The following C7 variants were observed in gnomAD, a reference collection of about 807,000 sequenced individuals.
C7 encodes complement component C7.
C7 carries 83 observed loss-of-function variants against 104.8 expected under a neutral mutation model. That is an observed-to-expected ratio of 0.79 (90% CI 0.66 to 0.95). The LOEUF is 0.95. Among genes scored for constraint, C7 ranks in the 40% least tolerant of loss-of-function variants. The probability of loss-of-function intolerance (pLI) is 0.00; values close to 1 mark genes in which losing one functional copy is unlikely to be tolerated. For synonymous variants in C7, 415 were observed against 360.6 expected, an observed-to-expected ratio of 1.15 and a Z score of -1.71; for missense variants, 1,070 against 1,011.2, an observed-to-expected ratio of 1.06 and a Z score of -0.79.
chr5:40,976,633 G>A, intron 15 of C7, 117 bp from the exon 16 acceptor site: 1 of 605,698 alleles, frequency 1.7e-6, no homozygotes, highest in Non-Finnish European at 2.9e-6. Context: ...TTGTTACTGT[G>A]CAAATGCATT....
At chr5:40,934,237 C>T in intron 3 of C7, 88 bp from the exon 4 acceptor site, 3 of 1,275,788 alleles carry the variant, frequency 2.4e-6, no homozygotes, top group Non-Finnish European at 3.1e-6. Flanking sequence ...TACTTTTTCT[C>T]AGATTTTATT....
Position 40,934,401 on chromosome 5 carries a change from C to G in C7, c.215C>G (p.Ser72Cys). 1 of 1,613,674 alleles carries G rather than the reference C, an allele frequency of 6.2e-7. No individual in the cohort carries two copies. Among genetic ancestry groups the G allele is most frequent in the African/African-American group, 1.3e-5 (1 of 75,014 alleles). Residue 72 changes from serine to cysteine, a missense_variant, in exon 4 of 18, where the codon TCC (serine) becomes TGC (cysteine). Coordinates refer to ENST00000313164, the MANE Select transcript of C7 (RefSeq NM_000587.4). Reference sequence around the variant, plus strand: ...GTTGGAAATGCTTTTGAAACACAGTCCTGTGAACCTACAAGAGGATGTCCA... The same window carrying G: ...GTTGGAAATGCTTTTGAAACACAGTGCTGTGAACCTACAAGAGGATGTCCA... ...PCVGNAFETQSCEPTRGCPTE... is the reference protein window; with the variant it reads ...PCVGNAFETQCCEPTRGCPTE...
rs72111743 is a variant in C7, at chr5:40,967,069, A to ATT, written c.1882+2207_1882+2208dup. On this transcript the variant is annotated intron_variant, in intron 14 of 17. Coordinates refer to ENST00000313164, the MANE Select transcript of C7 (RefSeq NM_000587.4). ...GTCTTTTACCTTGACTTTTCAAAGG[A>ATT]TTTTTTTTTTTTCTTTGAGATGGAG... is the stretch of plus-strand genomic sequence containing the variant. Among the ~76,000 whole-genome samples, 735 of 127,814 alleles carry ATT rather than the reference A, an allele frequency of 5.8e-3. 12 individuals carry two copies. The highest frequency in any genetic ancestry group is 0.018 in the African/African-American group (661 of 36,822). The allele number at this position is 127,814 out of a possible 152,430, so 83.9% of individuals were successfully genotyped here. A position where few individuals can be genotyped will look rare whatever the true frequency, so the allele number is the denominator to read the frequency against.
At chr5:40,916,724 A>C (rs1739327363) in intron 1 of C7, among the ~76,000 whole-genome samples, 1 of 152,078 alleles carries the variant, frequency 6.6e-6, no homozygotes, top group African/African-American at 2.4e-5. Context: ...TTAAAAAAGC[A>C]TTTATTTATC....
chr5:40,960,370 C>A (rs1050166622), intron 12 of C7, among the ~76,000 whole-genome samples: 1 of 151,964 alleles, frequency 6.6e-6, no homozygotes, highest in Admixed American at 6.6e-5. Context: ...CTGGTAGAAG[C>A]GTAGGGTGAA....
At chr5:40,940,160 T>G (rs1739905682) in intron 6 of C7, among the ~76,000 whole-genome samples, 1 of 152,170 alleles carries the variant, frequency 6.6e-6, no homozygotes, top group South Asian at 2.1e-4. Flanking sequence ...TTTTGGCTTA[T>G]TGGAACATAA....
At chr5:40,966,928 A>G (rs953079869) in intron 14 of C7, among the ~76,000 whole-genome samples, 2 of 152,152 alleles carry the variant, frequency 1.3e-5, no homozygotes, top group Non-Finnish European at 2.9e-5. Context: ...ATGAATATGA[A>G]TATTTGCTAG....
At chr5:40,910,253 G>T (rs1739179094) in intron 1 of C7, among the ~76,000 whole-genome samples, 2 of 152,088 alleles carry the variant, frequency 1.3e-5, no homozygotes, top group African/African-American at 4.8e-5. Context: ...TAAGACCAAA[G>T]ATAGAAATCG....
At chr5:40,927,001 T>G (rs1320965611) in intron 1 of C7, among the ~76,000 whole-genome samples, 1 of 147,364 alleles carries the variant, frequency 6.8e-6, no homozygotes, top group African/African-American at 2.7e-5. Context: ...TAAACTATAC[T>G]ACAAAGCTAT....
Position 40,972,580 on chromosome 5 carries a change from G to T in C7, c.2060G>T (p.Arg687Leu), listed in dbSNP as rs113187203. ...LKWSPEMKNA[R>L]CVQKENPLTQ... ...TGGAGTCCTGAGATGAAGAATGCCC[G>T]CTGTGTACAAAAAGGTGAGTGGCTT... is the stretch of plus-strand genomic sequence containing the variant. The change falls in exon 15 of 18, where the codon CGC becomes CTC. Residue 687 changes from arginine (R) to leucine (L), a missense_variant. Transcript: ENST00000313164. 2.4e-5 allele frequency: 39 copies of T among 1,600,016 alleles called. No homozygotes were observed. The highest frequency in any genetic ancestry group is 5.4e-5 in the African/African-American group (4 of 74,460).
chr5:40,917,805 C>T (rs890832507), intron 1 of C7, among the ~76,000 whole-genome samples: 1 of 151,984 alleles, frequency 6.6e-6, no homozygotes, highest in African/African-American at 2.4e-5. Flanking sequence ...TTGACTTGTA[C>T]AAATGTAATA....
rs763097788 is a variant in C7, at chr5:40,909,581, C to T, written c.-30C>T. 5.8e-6 allele frequency: 9 copies of T among 1,559,254 alleles called. No homozygotes were observed. Among genetic ancestry groups the T allele is most frequent in the East Asian group, 2.3e-5 (1 of 43,902 alleles). ...GGCCCTTACAGAGGAAATCTTCCTC[C>T]TCTCTTCTGCCCTGAATGTTTTCCC... is the stretch of plus-strand genomic sequence containing the variant. On this transcript the variant is annotated 5_prime_UTR_variant, in exon 1 of 18. Coordinates refer to ENST00000313164, the MANE Select transcript of C7 (RefSeq NM_000587.4).
intron 9 of C7, among the ~76,000 whole-genome samples, chr5:40,953,789 T>C (rs1275032640): frequency 5.4e-5 from 3 of 55,198 alleles, no homozygotes; most frequent in Non-Finnish European, 1.5e-4. Context: ...GTGATGGATA[T>C]CCTAAATATC....
intron 1 of C7, among the ~76,000 whole-genome samples, chr5:40,921,750 C>T (rs1047062733): frequency 6.6e-6 from 1 of 152,028 alleles, no homozygotes; most frequent in Non-Finnish European, 1.5e-5. Context: ...TAAGAACATA[C>T]ATTGGGCTGG....
At chr5:40,932,939 G>C (rs1579846445) in intron 3 of C7, among the ~76,000 whole-genome samples, 1 of 152,074 alleles carries the variant, frequency 6.6e-6, no homozygotes, top group South Asian at 2.1e-4. Context: ...GTGGAGAGTG[G>C]CTGCCATCAA....
chr5:40,933,448 G>A (rs1215281290), intron 3 of C7, among the ~76,000 whole-genome samples: 3 of 152,018 alleles, frequency 2.0e-5, no homozygotes, highest in Non-Finnish European at 4.4e-5. Context: ...CTTTTTGTTT[G>A]AATGTTAGAT....
rs79910713 is a variant in C7 at position 40,977,809 on chromosome 5, C to T, written c.2165+969C>T. Among the ~76,000 whole-genome samples the T allele has an allele frequency of 5.6e-3, 859 of 152,164 alleles. 38 individuals are homozygous for T. The East Asian group carries it at 0.11, about 19-fold the overall frequency. On this transcript the variant is annotated intron_variant, in intron 16 of 17. Coordinates refer to ENST00000313164, the MANE Select transcript of C7 (RefSeq NM_000587.4). ...GGGGAGGAAATAAGAAATATCCAGC[C>T]CCTAGACTTAGTGGCCATTTTTAAA...
At chr5:40,937,377 A>G (rs2111599688) in intron 5 of C7, 175 bp from the exon 6 acceptor site, 1 of 435,786 alleles carries the variant, frequency 2.3e-6, no homozygotes. Flanking sequence ...TGGATAATGT[A>G]TGGTGTGTAT....
Position 40,937,597 on chromosome 5 carries a change from C to T in C7, c.474C>T (p.Thr158=), listed in dbSNP as rs1204257939. 6.2e-7 allele frequency: 1 copy of T among 1,612,250 alleles called. No homozygotes were observed. Among genetic ancestry groups the T allele is most frequent in the Non-Finnish European group, 8.5e-7 (1 of 1,178,936 alleles). ...TGQFRNRVIN[T]KSFGGQCRKV... is the part of the protein sequence containing the mutation. The stretch of plus-strand genomic sequence containing the variant: ...AGTTTAGGAACAGAGTCATCAATAC[C>T]AAAAGTTTTGGTGGTCAATGTAGAA... Residue 158 remains threonine, a synonymous_variant, in exon 6 of 18, where the codon ACC becomes ACT. Coordinates refer to ENST00000313164, the MANE Select transcript of C7 (RefSeq NM_000587.4).
Sources: allele counts gnomAD v4.1 joint callset (sites outside exome capture counted in the v4.1 genomes callset), GRCh38; gene constraint gnomAD v4.1.1; transcripts MANE v1.5; gene names NCBI Gene and HGNC (gene_info 2026-07-23, HGNC 2026-07-21).